AKNA: variants seen among roughly 807,000 people sequenced by gnomAD.
AKNA encodes AT-hook transcription factor.
In AKNA, 67 loss-of-function variants were observed where a neutral mutation model predicts 138.8. The observed-to-expected ratio is 0.48, with a 90% CI of 0.40 to 0.59. The LOEUF (loss-of-function observed/expected upper bound fraction) is 0.59. AKNA is among the 20% of genes least tolerant of loss of function. The probability of loss-of-function intolerance (pLI) is 0.00; values close to 1 mark genes in which losing one functional copy is unlikely to be tolerated. For missense variants in AKNA, 1,813 were observed against 1,880.4 expected (o/e 0.96, Z 0.66); for synonymous variants, 737 against 754.4 (o/e 0.98, Z 0.38).
chr9:114,368,168 C>G, intron 5 of AKNA: 1 of 363,660 alleles, frequency 2.7e-6, no homozygotes, highest in East Asian at 4.1e-5. Context: ...ATATGGGCTC[C>G]CCAGGGACAA....
At chr9:114,383,975 G>T (rs1397338488) in intron 1 of AKNA, among the ~76,000 whole-genome samples, 1 of 152,066 alleles carries the variant, frequency 6.6e-6, no homozygotes, top group African/African-American at 2.4e-5. Flanking sequence ...CCTGTGTATT[G>T]TCCTCCAGCC....
At position 114,359,791 on chromosome 9, in the gene AKNA, G is replaced by T; in HGVS notation, c.2295C>A (p.Tyr765Ter). ...EQVYHGLMER[Y>*]LSVKSLPEAM... is the part of the protein sequence containing the mutation. ...CTTCTGGGAGAGACTTCACACTGAGGTACCTGCAGAAGAACACACAGAGGG... is the reference window on the plus strand; with the variant it reads ...CTTCTGGGAGAGACTTCACACTGAGTTACCTGCAGAAGAACACACAGAGGG... Residue 765 changes from tyrosine to a stop codon, truncating the protein, a stop_gained, in exon 11 of 22, where the codon TAC (tyrosine) becomes TAA (stop). Coordinates refer to ENST00000374088, the MANE Select transcript of AKNA (RefSeq NM_001317950.2). LOFTEE classifies it high-confidence loss of function. 1 of 1,600,126 alleles carries T rather than the reference G, an allele frequency of 6.2e-7. No homozygotes were observed. Among genetic ancestry groups the T allele is most frequent in the Non-Finnish European group, 8.5e-7 (1 of 1,172,000 alleles).
At chr9:114,376,412 C>T (rs748320571) in intron 3 of AKNA, 54 bp downstream of exon 3, 2 of 1,599,034 alleles carry the variant, frequency 1.3e-6, no homozygotes, top group Admixed American at 1.7e-5. Context: ...TTAGCCTCCA[C>T]CCCAAGCCAA....
downstream of AKNA, chr9:114,331,899 G>A: frequency 6.2e-7 from 1 of 1,613,852 alleles, no homozygotes; most frequent in Admixed American, 1.7e-5. Context: ...GCATTCCCAG[G>A]TCAGATGTCA....
upstream of AKNA, among the ~76,000 whole-genome samples, chr9:114,389,621 G>A (rs1000857065): frequency 1.3e-5 from 2 of 152,164 alleles, no homozygotes; most frequent in African/African-American, 2.4e-5. Flanking sequence ...TAGAGCGGGG[G>A]AGCCAGAACA....
At chr9:114,343,623 A>T (rs1421693308) in intron 19 of AKNA, 85 bp downstream of exon 19, 2 of 1,397,452 alleles carry the variant, frequency 1.4e-6, no homozygotes, top group Non-Finnish European at 2.0e-6. Flanking sequence ...AGGGCAGGCC[A>T]GATCTTGTCA....
In AKNA at chr9:114,358,043, G is replaced by A; in HGVS notation, c.2617C>T (p.His873Tyr). The change falls in exon 12 of 22, where the codon CAC (histidine) becomes TAC (tyrosine). Residue 873 changes from histidine to tyrosine, a missense_variant. Coordinates refer to ENST00000374088, the MANE Select transcript of AKNA (RefSeq NM_001317950.2). ...AAPPGPGVPP[H>Y]PPGTKSAASH... ...GCTGCGGACTTGGTGCCTGGAGGGT[G>A]GGGTGGCACGCCAGGGCCTGGAGGG... 2 of 1,611,120 alleles carry A rather than the reference G, an allele frequency of 1.2e-6. No individual in the cohort carries two copies. The highest frequency in any genetic ancestry group is 1.7e-6 in the Non-Finnish European group (2 of 1,177,978).
chr9:114,332,882 C>T (rs1239493815), downstream of AKNA, among the ~76,000 whole-genome samples: 2 of 152,164 alleles, frequency 1.3e-5, no homozygotes, highest in African/African-American at 4.8e-5. Context: ...GGCAAGTAAG[C>T]TGAGGTTCAG....
chr9:114,382,407 A>G (rs1247913842), intron 1 of AKNA, among the ~76,000 whole-genome samples: 1 of 152,054 alleles, frequency 6.6e-6, no homozygotes, highest in Non-Finnish European at 1.5e-5. Context: ...CCTGGGCAAC[A>G]TGGTAAAACC....
rs765890686 is a variant in AKNA, at chr9:114,356,890, G to A, written c.2819C>T (p.Thr940Ile). Residue 940 changes from threonine to isoleucine, a missense_variant, in exon 13 of 22, where the codon ACT (threonine) becomes ATT (isoleucine). Physicochemically the swap from Thr to Ile is moderately conservative, Grantham distance 89 (BLOSUM62 -1). Transcript: ENST00000374088. ...GATGTGGGAGAGCCGGTGCTCTGGA[G>A]TCTGGGTGAGGGGTGAAACTCTGCT... is the stretch of plus-strand genomic sequence containing the variant. ...ETSRVSPLTQ[T>I]PEHRLSHIST... The A allele has an allele frequency of 3.8e-6, 6 of 1,566,006 alleles. No homozygotes were observed. The highest frequency in any genetic ancestry group is 5.2e-6 in the Non-Finnish European group (6 of 1,161,868).
chr9:114,359,199 G>A (rs1831732944), intron 11 of AKNA: 1 of 201,410 alleles, frequency 5.0e-6, no homozygotes, highest in Non-Finnish European at 1.0e-5. Context: ...CTCCCAAATA[G>A]CTAGGGCTAT....
At position 114,361,375 on chromosome 9, in the gene AKNA, T is replaced by G. The variant is rs546151140; in HGVS notation, c.2124+329A>C. 5.9e-5 allele frequency among the ~76,000 whole-genome samples: 9 copies of G among 152,262 alleles called. No individual in the cohort carries two copies. In the East Asian group the frequency reaches 1.7e-3, roughly 29 times the overall value. ...TCTCTGACCTCCTCCTCAAACTCAG[T>G]CATGTTACTCCTGCTACTCTCACAG... On this transcript the variant is annotated intron_variant, in intron 9 of 21. Coordinates refer to ENST00000374088, the MANE Select transcript of AKNA (RefSeq NM_001317950.2).
chr9:114,379,881 C>T (rs545948802), intron 2 of AKNA, among the ~76,000 whole-genome samples: 18 of 152,290 alleles, frequency 1.2e-4, no homozygotes, highest in South Asian at 4.1e-4. Context: ...CCAGGCATGA[C>T]GGCTCGCATC....
Position 114,345,900 on chromosome 9 carries a change from T to TCCAGCACTGCCCAC in AKNA, c.3610_3623dup (p.Pro1210AlafsTer191). On this transcript the variant is annotated frameshift_variant, in exon 18 of 22. Transcript: ENST00000374088. LOFTEE classifies it high-confidence loss of function. ...CCCGGAAGGTGACCCTGTCTGGCCATCCAGCACTGCCCACCCCTCTCTTTC... is the reference window on the plus strand; with the variant it reads ...CCCGGAAGGTGACCCTGTCTGGCCATCCAGCACTGCCCACCCAGCACTGCCCACCCCTCTCTTTC... 1 of 1,614,074 alleles carries TCCAGCACTGCCCAC rather than the reference T, an allele frequency of 6.2e-7. No individual in the cohort carries two copies. The highest frequency in any genetic ancestry group is 8.5e-7 in the Non-Finnish European group (1 of 1,180,004).
intron 11 of AKNA, 23 bp downstream of exon 11, chr9:114,359,571 G>A: frequency 1.2e-6 from 2 of 1,611,192 alleles, no homozygotes; most frequent in Non-Finnish European, 1.7e-6. Context: ...CAAACATTCT[G>A]CAGGAAAGGC....
In AKNA at chr9:114,359,725, C is replaced by T. The variant is rs1831788005; in HGVS notation, c.2361G>A (p.Glu787=). Reference sequence around the variant, plus strand: ...GGGAGTCACCTCCCCCCTCTTCCTCCTCCTCCTCCTCTCCTTCTTCCTCCT... The same window carrying T: ...GGGAGTCACCTCCCCCCTCTTCCTCTTCCTCCTCCTCTCCTTCTTCCTCCT... ...MEEEEEGEEE[E]EEEGGGDSLE... is the part of the protein sequence containing the mutation. The change falls in exon 11 of 22, where the codon GAG becomes GAA. Residue 787 remains glutamate (E), a synonymous_variant. Coordinates refer to ENST00000374088, the MANE Select transcript of AKNA (RefSeq NM_001317950.2). 1 of 1,607,796 alleles carries T rather than the reference C, an allele frequency of 6.2e-7. No homozygotes were observed. The highest frequency in any genetic ancestry group is 8.5e-7 in the Non-Finnish European group (1 of 1,176,746).
chr9:114,384,434 T>C lies in AKNA; in HGVS notation c.-113-2988A>G, dbSNP rs141518050. Among the ~76,000 whole-genome samples the C allele has an allele frequency of 7.8e-3, 1,189 of 152,228 alleles. 7 individuals carry two copies. The highest frequency in any genetic ancestry group is 0.013 in the Non-Finnish European group (893 of 68,018). On this transcript the variant is annotated intron_variant, in intron 1 of 21. Transcript: ENST00000374088. ...AAAAATAAAAAGGAAAAAGAAAATA[T>C]ATACAGGTGACCCTTAATGACAGTT...
At chr9:114,387,256 A>G (rs1052328250) in intron 1 of AKNA, among the ~76,000 whole-genome samples, 3 of 152,168 alleles carry the variant, frequency 2.0e-5, no homozygotes, top group Non-Finnish European at 2.9e-5. Flanking sequence ...TAGTCCCACA[A>G]GGAAGCACCA....
intron 1 of AKNA, among the ~76,000 whole-genome samples, chr9:114,381,695 C>T (rs980098278): frequency 1.7e-4 from 20 of 120,050 alleles, no homozygotes; most frequent in Non-Finnish European, 2.9e-4. Context: ...CAGTCTCACT[C>T]TGTTGCCCAG....
Sources: allele counts gnomAD v4.1 joint callset (sites outside exome capture counted in the v4.1 genomes callset), GRCh38; gene constraint gnomAD v4.1.1; transcripts MANE v1.5; gene names NCBI Gene and HGNC (gene_info 2026-07-23, HGNC 2026-07-21).